The following LRRC34 variants were observed in gnomAD, a reference collection of about 807,000 sequenced individuals.
The protein encoded by LRRC34 is leucine rich repeat containing 34.
In LRRC34, 44 loss-of-function variants were observed where a neutral mutation model predicts 48.5. The observed-to-expected ratio is 0.91, with a 90% CI of 0.71 to 1.17. LRRC34 has a LOEUF of 1.17. LRRC34 is among the 50% of genes most tolerant of loss of function. The pLI is 0.00. For missense variants in LRRC34, 502 were observed against 563.0 expected (o/e 0.89, Z 1.10); for synonymous variants, 192 against 197.6 (o/e 0.97, Z 0.24).
In LRRC34 at chr3:169,812,676, G is replaced by C; in HGVS notation, c.-128C>G. The C allele has an allele frequency of 7.7e-7, 1 of 1,302,080 alleles. No homozygotes were observed. The highest frequency in any genetic ancestry group is 1.0e-6 in the Non-Finnish European group (1 of 1,000,610). The allele number at this position is 1,302,080 out of a possible 1,614,324, so 80.7% of individuals were successfully genotyped here. A position where few individuals can be genotyped will look rare whatever the true frequency, so the allele number is the denominator to read the frequency against. On this transcript the variant is annotated 5_prime_UTR_variant, in exon 1 of 11. Coordinates refer to ENST00000446859, the MANE Select transcript of LRRC34 (RefSeq NM_001172779.2). This position sits in a 1 kb window ranked among gnomAD's most constrained non-coding sequence, Gnocchi z 4.3. ...CCTGAGGCCTCACTGCTAAGGCAGT[G>C]ACCGCCTACTCTGTGGAGGTCCTTT...
At chr3:169,794,219 T>C (rs1454856129) in intron 10 of LRRC34, 2 of 166,818 alleles carry the variant, frequency 1.2e-5, no homozygotes, top group African/African-American at 2.4e-5. Flanking sequence ...GGAGGCCTAT[T>C]GTATACATTC....
chr3:169,812,845 G>C lies in LRRC34; in HGVS notation c.-297C>G, dbSNP rs1014475295. On this transcript the variant is annotated 5_prime_UTR_variant, in exon 1 of 11. Coordinates refer to ENST00000446859, the MANE Select transcript of LRRC34 (RefSeq NM_001172779.2). The surrounding 1 kb of genome is among the most constrained non-coding windows in gnomAD (Gnocchi z 4.3). ...TTATGACAAAGCCCGCTCCTACAAA[G>C]TGTGCACCGGCCTGCCGGGCCAGCG... 7.7e-6 allele frequency: 3 copies of C among 387,290 alleles called. No individual in the cohort carries two copies. The highest frequency in any genetic ancestry group is 6.3e-5 in the African/African-American group (3 of 47,446). The allele number at this position is 387,290 out of a possible 1,614,324, so 24.0% of individuals were successfully genotyped here. A position where few individuals can be genotyped will look rare whatever the true frequency, so the allele number is the denominator to read the frequency against.
At chr3:169,804,602 GAT>G (rs67321078) in intron 5 of LRRC34, among the ~76,000 whole-genome samples, 32,183 of 151,974 alleles carry the variant, frequency 0.21, 4,385 homozygotes, top group East Asian at 0.56. Context: ...GCCAGAAGAG[GAT>G]ATATACCTTA....
At position 169,812,296 on chromosome 3, in the gene LRRC34, C is replaced by G. The variant is rs1426249978; in HGVS notation, c.139+114G>C. The stretch of plus-strand genomic sequence containing the variant: ...CTGGGGTTCCCAGGGGCCCCCCTCC[C>G]GCCTCGACGCCTTGGGCTGGCGGGC... On this transcript the variant is annotated intron_variant, in intron 1 of 10. Transcript: ENST00000446859. This position sits in a 1 kb window ranked among gnomAD's most constrained non-coding sequence, Gnocchi z 4.3. 4 of 1,345,602 alleles carry G rather than the reference C, an allele frequency of 3.0e-6. No individual in the cohort carries two copies. In the Admixed American group the frequency reaches 1.3e-4, roughly 42 times the overall value. 83.4% of individuals were successfully genotyped at this position (1,345,602 alleles called of 1,614,324 possible).
Position 169,812,418 on chromosome 3 carries a change from A to T in LRRC34, c.131T>A (p.Val44Asp). 2.0e-6 allele frequency: 3 copies of T among 1,528,162 alleles called. No homozygotes were observed. The highest frequency in any genetic ancestry group is 2.6e-6 in the Non-Finnish European group (3 of 1,144,360). 94.7% of individuals were successfully genotyped at this position (1,528,162 alleles called of 1,614,324 possible). ...QASTPGAALA[V>D]QRESPESGLQ... is the part of the protein sequence containing the mutation. Reference sequence around the variant, plus strand: ...TGCTCCCTACTTCTTACCGCGCTGGACCGCCAGGGCCGCGCCCGGAGTACT... The same window carrying T: ...TGCTCCCTACTTCTTACCGCGCTGGTCCGCCAGGGCCGCGCCCGGAGTACT... The change falls in exon 1 of 11, where the codon GTC (valine) becomes GAC (aspartate). Residue 44 changes from valine to aspartate, a missense_variant. Val to Asp is a radical substitution (Grantham distance 152). Transcript: ENST00000446859. The surrounding 1 kb of genome is among the most constrained non-coding windows in gnomAD (Gnocchi z 4.3).
chr3:169,809,905 T>A (rs1331548914), intron 1 of LRRC34, among the ~76,000 whole-genome samples: 1 of 151,872 alleles, frequency 6.6e-6, no homozygotes, highest in Non-Finnish European at 1.5e-5. Context: ...TAGTTTTTAA[T>A]AACCTTTTTA....
chr3:169,804,933 A>T (rs930736374), intron 5 of LRRC34, among the ~76,000 whole-genome samples: 38 of 152,352 alleles, frequency 2.5e-4, no homozygotes, highest in Admixed American at 8.5e-4. Flanking sequence ...CCGGTCCTAT[A>T]CCATTAACCA....
rs573485726 is a variant in LRRC34 at position 169,812,846 on chromosome 3, T to C, written c.-298A>G. The C allele has an allele frequency of 7.8e-6, 3 of 385,990 alleles. No homozygotes were observed. The East Asian group carries it at 1.4e-4, about 18-fold the overall frequency. 23.9% of individuals were successfully genotyped at this position (385,990 alleles called of 1,614,324 possible). ...TATGACAAAGCCCGCTCCTACAAAG[T>C]GTGCACCGGCCTGCCGGGCCAGCGA... On this transcript the variant is annotated 5_prime_UTR_variant, in exon 1 of 11. Coordinates refer to ENST00000446859, the MANE Select transcript of LRRC34 (RefSeq NM_001172779.2). The surrounding 1 kb of genome is among the most constrained non-coding windows in gnomAD (Gnocchi z 4.3).
chr3:169,800,938 G>A (rs113949307), intron 6 of LRRC34, among the ~76,000 whole-genome samples, 184 bp from the exon 7 acceptor site: 2,133 of 152,106 alleles, frequency 0.014, 19 homozygotes, highest in Middle Eastern at 0.027. Context: ...TTCTCTCCTG[G>A]CCCTAAAATC....
intron 5 of LRRC34, among the ~76,000 whole-genome samples, chr3:169,805,170 G>GA (rs1779329199): frequency 1.3e-5 from 2 of 151,924 alleles, no homozygotes; most frequent in Admixed American, 1.3e-4. Context: ...AATTAGCCAA[G>GA]AAAAACAAAA....
At chr3:169,807,935 AG>A (rs1779439450) in intron 2 of LRRC34, 1 of 497,218 alleles carries the variant, frequency 2.0e-6, no homozygotes, top group Admixed American at 3.9e-5. Flanking sequence ...CCATATATTT[AG>A]CTCTCTCACA....
rs186582674 is a variant in LRRC34 at position 169,808,227 on chromosome 3, T to C, written c.257+401A>G. The C allele has an allele frequency of 2.3e-4, 36 of 155,582 alleles. No individual in the cohort carries two copies. In the East Asian group the frequency reaches 6.6e-3, roughly 29 times the overall value. 9.6% of individuals were successfully genotyped at this position (155,582 alleles called of 1,614,324 possible). A position where few individuals can be genotyped will look rare whatever the true frequency, so the allele number is the denominator to read the frequency against. Reference sequence around the variant, plus strand: ...TGCTCGGGAGGCCAAGGCAGGAGAATTGCTTGAACCCAGGAGGCTGAGTTT... The same window carrying C: ...TGCTCGGGAGGCCAAGGCAGGAGAACTGCTTGAACCCAGGAGGCTGAGTTT... On this transcript the variant is annotated intron_variant, in intron 2 of 10. Coordinates refer to ENST00000446859, the MANE Select transcript of LRRC34 (RefSeq NM_001172779.2).
intron 6 of LRRC34, among the ~76,000 whole-genome samples, chr3:169,802,708 C>T (rs537318950): frequency 1.4e-4 from 22 of 152,272 alleles, no homozygotes; most frequent in African/African-American, 5.3e-4. Flanking sequence ...CGCTGTGGCT[C>T]ACTCCTGTAA....
At chr3:169,809,055 G>T (rs1207344031) in intron 1 of LRRC34, among the ~76,000 whole-genome samples, 2 of 152,138 alleles carry the variant, frequency 1.3e-5, no homozygotes. Flanking sequence ...TATGTGCCAG[G>T]CCTGGTAGCT....
At position 169,806,957 on chromosome 3, in the gene LRRC34, CATT is replaced by C. The variant is rs761520814; in HGVS notation, c.445-29_445-27del. The stretch of plus-strand genomic sequence containing the variant: ...CTATAAGAGAAAAGAAGCTATTACA[CATT>C]ATTATTATTGGAAATTGGTCAGTTT... On this transcript the variant is annotated intron_variant, in intron 4 of 10. Coordinates refer to ENST00000446859, the MANE Select transcript of LRRC34 (RefSeq NM_001172779.2). 15 of 1,395,444 alleles carry C rather than the reference CATT, an allele frequency of 1.1e-5. No individual in the cohort carries two copies. In the South Asian group the frequency reaches 1.2e-4, roughly 11 times the overall value. 86.4% of individuals were successfully genotyped at this position (1,395,444 alleles called of 1,614,324 possible).
At position 169,800,598 on chromosome 3, in the gene LRRC34, G is replaced by A. The variant is rs1576737913; in HGVS notation, c.753+61C>T. ...TATTCATGTACCTTGACATAAACTTGTAGTAGTACCTTAGTTTTATTCATG... is the reference window on the plus strand; with the variant it reads ...TATTCATGTACCTTGACATAAACTTATAGTAGTACCTTAGTTTTATTCATG... On this transcript the variant is annotated intron_variant, in intron 7 of 10. Coordinates refer to ENST00000446859, the MANE Select transcript of LRRC34 (RefSeq NM_001172779.2). 3 of 1,005,874 alleles carry A rather than the reference G, an allele frequency of 3.0e-6. No homozygotes were observed. In the East Asian group the frequency reaches 7.9e-5, roughly 27 times the overall value. 62.3% of individuals were successfully genotyped at this position (1,005,874 alleles called of 1,614,324 possible). A position where few individuals can be genotyped will look rare whatever the true frequency, so the allele number is the denominator to read the frequency against.
In LRRC34 at chr3:169,812,555, C is replaced by T. The variant is rs1392620217; in HGVS notation, c.-7G>A. 1.4e-6 allele frequency: 2 copies of T among 1,478,572 alleles called. No individual in the cohort carries two copies. The highest frequency in any genetic ancestry group is 1.3e-5 in the South Asian group (1 of 75,136). The allele number at this position is 1,478,572 out of a possible 1,614,324, so 91.6% of individuals were successfully genotyped here. A position where few individuals can be genotyped will look rare whatever the true frequency, so the allele number is the denominator to read the frequency against. ...GCGGCGGCTGCGCTGCCATGGCGACCGCGCGCGCACTTACAGTCCGCCTGC... is the reference window on the plus strand; with the variant it reads ...GCGGCGGCTGCGCTGCCATGGCGACTGCGCGCGCACTTACAGTCCGCCTGC... On this transcript the variant is annotated 5_prime_UTR_variant, in exon 1 of 11. Transcript: ENST00000446859. This position sits in a 1 kb window ranked among gnomAD's most constrained non-coding sequence, Gnocchi z 4.3.
At position 169,808,702 on chromosome 3, in the gene LRRC34, A is replaced by G. The variant is rs1779466110; in HGVS notation, c.183T>C (p.Cys61=). 2 of 1,597,422 alleles carry G rather than the reference A, an allele frequency of 1.3e-6. No individual in the cohort carries two copies. The highest frequency in any genetic ancestry group is 1.7e-6 in the Non-Finnish European group (2 of 1,167,218). ...GATTAATTTTCTGGGATTTTTCCATACACAGATTAGAATAATGTTTCTGGA... is the reference window on the plus strand; with the variant it reads ...GATTAATTTTCTGGGATTTTTCCATGCACAGATTAGAATAATGTTTCTGGA... The part of the protein sequence containing the change: ...SGLQKHYSNL[C]MEKSQKINPF... The change falls in exon 2 of 11, where the codon TGT becomes TGC. Residue 61 remains cysteine (C), a synonymous_variant. Transcript: ENST00000446859.
At chr3:169,798,081 G>A (rs1347387354) in intron 7 of LRRC34, among the ~76,000 whole-genome samples, 1 of 152,158 alleles carries the variant, frequency 6.6e-6, no homozygotes, top group East Asian at 1.9e-4. Context: ...CGCCAACCAT[G>A]CTAAAGGGAT....
Sources: gnomAD v4.1 joint callset for allele counts (sites outside exome capture counted in the v4.1 genomes callset) on GRCh38, gnomAD v4.1.1 for gene constraint, Gnocchi (gnomAD v3.1) non-coding constraint, MANE v1.5 for transcripts, NCBI Gene and HGNC (gene_info 2026-07-23, HGNC 2026-07-21) for gene names.